UBE2E2: variants seen among roughly 807,000 people sequenced by gnomAD.
UBE2E2 encodes the protein ubiquitin-conjugating enzyme E2 E2.
UBE2E2 carries 6 observed loss-of-function variants against 24.7 expected under a neutral mutation model. The ratio of observed to expected loss-of-function variants is 0.24; its 90% CI spans 0.13 to 0.48. The LOEUF is 0.48. UBE2E2 is among the 20% of genes least tolerant of loss of function. UBE2E2 has a pLI of 0.99. For missense variants in UBE2E2, 169 were observed against 245.0 expected (o/e 0.69, Z 2.07); for synonymous variants, 104 against 83.6 (o/e 1.24, Z -1.33).
chr3:23,454,465 T>C (rs1050083533), intron 3 of UBE2E2, among the ~76,000 whole-genome samples: 2 of 152,198 alleles, frequency 1.3e-5, no homozygotes, highest in Non-Finnish European at 2.9e-5. Context: ...TGAAGTCTGA[T>C]TTAAGTCTCA....
At chr3:23,244,439 T>G (rs1169435500) in intron 3 of UBE2E2, among the ~76,000 whole-genome samples, 3 of 152,184 alleles carry the variant, frequency 2.0e-5, no homozygotes, top group Non-Finnish European at 4.4e-5. Context: ...TTTGTGTGCT[T>G]TAGCCTCCTT....
chr3:23,315,944 G>T (rs1484091718), intron 3 of UBE2E2, among the ~76,000 whole-genome samples: 3 of 151,992 alleles, frequency 2.0e-5, no homozygotes, highest in African/African-American at 7.3e-5. Context: ...AGAGACTCTT[G>T]TTTTCTTCCT....
At chr3:23,536,357 A>G (rs1226148902) in intron 5 of UBE2E2, among the ~76,000 whole-genome samples, 2 of 152,176 alleles carry the variant, frequency 1.3e-5, no homozygotes, top group Admixed American at 6.5e-5. Flanking sequence ...TATGGCTATA[A>G]ATATTTCTAA....
In UBE2E2 at chr3:23,589,875, C is replaced by G. The variant is rs1346250343; in HGVS notation, c.*44C>G. The stretch of plus-strand genomic sequence containing the variant: ...CCCGCGGGACCTGTGCAAGCACATT[C>G]ACCAAGTGCATCGGTAGCCCTGCCC... On this transcript the variant is annotated 3_prime_UTR_variant, in exon 6 of 6. Transcript: ENST00000396703. The surrounding 1 kb of genome is among the most constrained non-coding windows in gnomAD (Gnocchi z 4.1). 2.5e-6 allele frequency: 4 copies of G among 1,590,692 alleles called. No individual in the cohort carries two copies. The African/African-American group carries it at 4.0e-5, about 16-fold the overall frequency.
intron 3 of UBE2E2, among the ~76,000 whole-genome samples, chr3:23,348,683 A>T (rs1236267714): frequency 6.6e-6 from 1 of 152,156 alleles, no homozygotes; most frequent in African/African-American, 2.4e-5. Context: ...TAGGGTAAGA[A>T]TGATACCTGG....
At position 23,347,001 on chromosome 3, in the gene UBE2E2, T is replaced by C. The variant is rs114071995; in HGVS notation, c.227+129689T>C. Among the ~76,000 whole-genome samples, 752 of 152,320 alleles carry C rather than the reference T, an allele frequency of 4.9e-3. 8 individuals are homozygous for C. The highest frequency in any genetic ancestry group is 0.018 in the African/African-American group (730 of 41,564). On this transcript the variant is annotated intron_variant, in intron 3 of 5. Coordinates refer to ENST00000396703, the MANE Select transcript of UBE2E2 (RefSeq NM_152653.4). ...ATGGCCATTAGTACTTAGGGTGATA[T>C]ACTATCTTCAGTGCTATCCTGTGCC...
intron 4 of UBE2E2, among the ~76,000 whole-genome samples, chr3:23,507,085 A>C (rs532799837): frequency 2.0e-5 from 3 of 152,270 alleles, no homozygotes; most frequent in East Asian, 3.9e-4. Context: ...TTTTTTACTC[A>C]AATACTCAAA....
chr3:23,356,437 G>T (rs1695952122), intron 3 of UBE2E2, among the ~76,000 whole-genome samples: 1 of 152,186 alleles, frequency 6.6e-6, no homozygotes, highest in East Asian at 1.9e-4. Context: ...TTAGGACTAA[G>T]GCTTCATCCT....
chr3:23,234,011 AT>A (rs936841315), intron 3 of UBE2E2, among the ~76,000 whole-genome samples: 2 of 151,834 alleles, frequency 1.3e-5, no homozygotes, highest in Non-Finnish European at 2.9e-5. Context: ...TCCTAAATTG[AT>A]TTTTTTTCCT....
chr3:23,423,921 C>T (rs1575619886), intron 3 of UBE2E2, among the ~76,000 whole-genome samples: 1 of 152,258 alleles, frequency 6.6e-6, no homozygotes, highest in African/African-American at 2.4e-5. Flanking sequence ...TTCACACCCT[C>T]CTTCAATTCA....
chr3:23,579,587 C>A (rs1696429022), intron 5 of UBE2E2, among the ~76,000 whole-genome samples: 1 of 151,558 alleles, frequency 6.6e-6, no homozygotes, highest in Non-Finnish European at 1.5e-5. Flanking sequence ...GTAGTCCTAA[C>A]TACTTGGGAG....
intron 3 of UBE2E2, among the ~76,000 whole-genome samples, chr3:23,219,910 TC>T (rs1696579017): frequency 6.6e-6 from 1 of 152,168 alleles, no homozygotes; most frequent in African/African-American, 2.4e-5. Context: ...GTGTGGTTTA[TC>T]CTATTTTCGG....
At chr3:23,214,168 CT>C (rs1231485362) in intron 2 of UBE2E2, among the ~76,000 whole-genome samples, 1 of 152,080 alleles carries the variant, frequency 6.6e-6, no homozygotes, top group Non-Finnish European at 1.5e-5. Context: ...CAGTAAATTG[CT>C]TTTTGTATTG....
At chr3:23,389,403 C>T (rs1696883869) in intron 3 of UBE2E2, among the ~76,000 whole-genome samples, 1 of 152,204 alleles carries the variant, frequency 6.6e-6, no homozygotes, top group South Asian at 2.1e-4. Flanking sequence ...ATGGAGTTGA[C>T]TGCTAGAGAG....
chr3:23,375,092 CAG>C (rs1025769647), intron 3 of UBE2E2, among the ~76,000 whole-genome samples: 3 of 151,866 alleles, frequency 2.0e-5, no homozygotes, highest in East Asian at 1.9e-4. Context: ...AAAAAAAAAT[CAG>C]AGAATGTGGT....
chr3:23,534,148 T>TG, intron 5 of UBE2E2: 1 of 938,884 alleles, frequency 1.1e-6, no homozygotes, highest in Non-Finnish European at 1.3e-6. Flanking sequence ...TTTTTTTTTT[T>TG]TGAGGTGATT....
chr3:23,328,575 A>G (rs954081415), intron 3 of UBE2E2, among the ~76,000 whole-genome samples: 1 of 152,024 alleles, frequency 6.6e-6, no homozygotes, highest in Non-Finnish European at 1.5e-5. Context: ...TTTTCAGTTT[A>G]TGATGGCTTT....
intron 3 of UBE2E2, among the ~76,000 whole-genome samples, chr3:23,427,022 G>A (rs909116739): frequency 4.6e-5 from 7 of 152,046 alleles, no homozygotes; most frequent in Non-Finnish European, 1.0e-4. Flanking sequence ...AAGTACTTGT[G>A]TTACCTGTGA....
chr3:23,357,189 A>G (rs17013104), intron 3 of UBE2E2, among the ~76,000 whole-genome samples: 4,397 of 152,340 alleles, frequency 0.029, 109 homozygotes, highest in East Asian at 0.13. Flanking sequence ...GGATATCAGA[A>G]TGGATAAGTA....
Sources: gnomAD v4.1 joint callset for allele counts (sites outside exome capture counted in the v4.1 genomes callset) on GRCh38, gnomAD v4.1.1 for gene constraint, Gnocchi (gnomAD v3.1) non-coding constraint, MANE v1.5 for transcripts, NCBI Gene and HGNC (gene_info 2026-07-23, HGNC 2026-07-21) for gene names.